Variants in C2orf92 observed in about 807,000 individuals in gnomAD.
C2orf92 encodes chromosome 2 open reading frame 92.
intron 5 of C2orf92, among the ~76,000 whole-genome samples, chr2:97,693,608 C>T (rs1676210429): frequency 6.6e-6 from 1 of 151,756 alleles, no homozygotes; most frequent in Non-Finnish European, 1.5e-5. Flanking sequence ...AATATCAAAC[C>T]AACCTTACAT....
In C2orf92 at chr2:97,702,845, C is replaced by T. The variant is rs968204616; in HGVS notation, c.*44C>T. The T allele has an allele frequency of 4.3e-5, 17 of 398,720 alleles. 2 individuals carry two copies. The highest frequency in any genetic ancestry group is 2.5e-4 in the South Asian group (2 of 7,848). The allele number at this position is 398,720 out of a possible 1,614,324, so 24.7% of individuals were successfully genotyped here. A position where few individuals can be genotyped will look rare whatever the true frequency, so the allele number is the denominator to read the frequency against. On this transcript the variant is annotated 3_prime_UTR_variant, in exon 8 of 8. Transcript: ENST00000627399. ...CAAACCAGGACTTGAAACCACAATGCGAGGACATTCTCCATCTGCGCACCA... is the reference window on the plus strand; with the variant it reads ...CAAACCAGGACTTGAAACCACAATGTGAGGACATTCTCCATCTGCGCACCA...
upstream of C2orf92, among the ~76,000 whole-genome samples, chr2:97,667,267 TA>T (rs67377947): frequency 0.64 from 83,356 of 130,526 alleles, 27,437 homozygotes; most frequent in Non-Finnish European, 0.71. Context: ...GTCTCTTTTT[TA>T]TTTTTTTTTT....
chr2:97,673,107 T>TTTC (rs1675467508), intron 1 of C2orf92, among the ~76,000 whole-genome samples: 1 of 152,228 alleles, frequency 6.6e-6, no homozygotes, highest in Admixed American at 6.5e-5. Context: ...TTCTGCTTTG[T>TTTC]TTCTGCCCCC....
chr2:97,665,046 G>T (rs1435840068), upstream of C2orf92, among the ~76,000 whole-genome samples: 1 of 152,190 alleles, frequency 6.6e-6, no homozygotes, highest in Non-Finnish European at 1.5e-5. Flanking sequence ...TCAGGTAGTT[G>T]TATTATTACT....
At chr2:97,675,129 A>G (rs553851597) in intron 2 of C2orf92, among the ~76,000 whole-genome samples, 106 of 152,372 alleles carry the variant, frequency 7.0e-4, no homozygotes, top group African/African-American at 2.4e-3. Flanking sequence ...AAAATAATGC[A>G]TATTAACCCC....
intron 5 of C2orf92, among the ~76,000 whole-genome samples, chr2:97,690,780 T>G (rs1403088098): frequency 3.3e-5 from 5 of 150,068 alleles, no homozygotes; most frequent in Non-Finnish European, 7.4e-5. Flanking sequence ...TTGTTTTTTT[T>G]TTTTTGTTTT....
intron 1 of C2orf92, among the ~76,000 whole-genome samples, chr2:97,672,846 G>A (rs910150588): frequency 3.3e-5 from 5 of 152,000 alleles, no homozygotes; most frequent in African/African-American, 9.7e-5. Flanking sequence ...TACATCAAGC[G>A]AGTGGAAACC....
intron 6 of C2orf92, 21 bp downstream of exon 6, chr2:97,699,157 T>C (rs114933883): frequency 2.5e-6 from 1 of 398,562 alleles, no homozygotes; most frequent in African/African-American, 2.1e-5. Context: ...ATATGGCCTA[T>C]AAACTAAGTA....
chr2:97,690,423 C>T, intron 5 of C2orf92, 96 bp downstream of exon 5: 1 of 383,930 alleles, frequency 2.6e-6, no homozygotes. Flanking sequence ...CTCTGTTGCC[C>T]AGGCTGGAGT....
intron 3 of C2orf92, among the ~76,000 whole-genome samples, chr2:97,682,454 C>A (rs937698425): frequency 3.3e-5 from 5 of 152,182 alleles, no homozygotes; most frequent in Admixed American, 2.0e-4. Flanking sequence ...TCCTGGCTTA[C>A]TCTAAGAGGC....
upstream of C2orf92, chr2:97,663,984 C>G (rs1220808000): frequency 1.3e-6 from 1 of 770,722 alleles, no homozygotes. Context: ...CGGCTCCCGA[C>G]GCGGCGCCGC....
At chr2:97,700,806 G>A (rs1054469421) in intron 6 of C2orf92, among the ~76,000 whole-genome samples, 9 of 151,262 alleles carry the variant, frequency 5.9e-5, no homozygotes, top group Admixed American at 5.9e-4. Context: ...TCACGCTCAC[G>A]GCAACCTCCG....
chr2:97,674,469 C>T lies in C2orf92; in HGVS notation c.60C>T (p.Leu20=). 1 of 398,520 alleles carries T rather than the reference C, an allele frequency of 2.5e-6. No individual in the cohort carries two copies. The highest frequency in any genetic ancestry group is 4.4e-6 in the Non-Finnish European group (1 of 226,042). The allele number at this position is 398,520 out of a possible 1,614,324, so 24.7% of individuals were successfully genotyped here. A position where few individuals can be genotyped will look rare whatever the true frequency, so the allele number is the denominator to read the frequency against. ...GCTTCACTGGAGATGAAATTGTGCT[C>T]CAAGTGTTTTCCAAGGTTCCGTATG... ...VLCWIQDEIV[L]QVFSKVPYDP... The change falls in exon 2 of 8, where the codon CTC becomes CTT. Residue 20 remains leucine (L), a synonymous_variant. Transcript: ENST00000627399.
chr2:97,680,874 C>T (rs1461718496), intron 3 of C2orf92, among the ~76,000 whole-genome samples: 1 of 151,774 alleles, frequency 6.6e-6, no homozygotes, highest in Non-Finnish European at 1.5e-5. Context: ...TGCAGTGGGC[C>T]GAGATTGCGC....
intron 2 of C2orf92, 45 bp from the exon 3 acceptor site, chr2:97,675,800 A>C (rs568067316): frequency 9.5e-5 from 38 of 399,110 alleles, no homozygotes; most frequent in African/African-American, 6.8e-4. Context: ...ACAGCTGCAG[A>C]CCCAATGAAA....
chr2:97,679,073 A>T (rs1675674597), intron 3 of C2orf92, among the ~76,000 whole-genome samples: 1 of 152,000 alleles, frequency 6.6e-6, no homozygotes. Context: ...GAAACAGAAC[A>T]TTTTCAGGTA....
chr2:97,700,339 T>C (rs1020444996), intron 6 of C2orf92, among the ~76,000 whole-genome samples: 65 of 152,270 alleles, frequency 4.3e-4, no homozygotes, highest in African/African-American at 1.3e-3. Context: ...GTGTATGCAG[T>C]ACAACTTTCT....
At chr2:97,666,351 C>T (rs1381064628), upstream of C2orf92, among the ~76,000 whole-genome samples, 1 of 151,836 alleles carries the variant, frequency 6.6e-6, no homozygotes, top group African/African-American at 2.4e-5. Flanking sequence ...TCCTGGCTAA[C>T]ACGGTGAAAC....
chr2:97,685,512 G>A (rs112616125), intron 3 of C2orf92, among the ~76,000 whole-genome samples: 4,239 of 151,636 alleles, frequency 0.028, 196 homozygotes, highest in African/African-American at 0.097. Context: ...TGATCTTCCC[G>A]CTTTGGCCTC....
Sources: gnomAD v4.1 joint callset for allele counts (sites outside exome capture counted in the v4.1 genomes callset) on GRCh38, gnomAD v4.1.1 for gene constraint, MANE v1.5 for transcripts, NCBI Gene and HGNC (gene_info 2026-07-23, HGNC 2026-07-21) for gene names.